Variants in ERICH2 observed in about 807,000 individuals in gnomAD.
ERICH2 encodes glutamate-rich protein 2.
Under a neutral mutation model 17.4 loss-of-function variants are expected in ERICH2, and 17 were observed. That is an observed-to-expected ratio of 0.98 (90% CI 0.67 to 1.47). ERICH2 has a LOEUF of 1.47. ERICH2 is among the 40% of genes most tolerant of loss of function. The pLI, the probability that ERICH2 is intolerant of heterozygous loss-of-function variation, is 0.00. For synonymous variants in ERICH2, 51 were observed against 61.1 expected, an observed-to-expected ratio of 0.83 and a Z score of 0.77; for missense variants, 186 against 183.2, an observed-to-expected ratio of 1.01 and a Z score of -0.09.
At chr2:170,798,055 C>A in exon 4 of ERICH2, 1 of 1,548,178 alleles carries the variant, frequency 6.5e-7, no homozygotes, top group Non-Finnish European at 8.7e-7. Flanking sequence ...AATCTATGAA[C>A]CAGAAAATCC....
At chr2:170,773,673 A>G in the ERICH2 span, among the ~76,000 whole-genome samples, 915 of 152,296 alleles carry the variant, frequency 6.0e-3, 8 homozygotes, top group Middle Eastern at 0.01. Flanking sequence ...AGAGTTTAGC[A>G]TAGTTATATG....
the ERICH2 span, among the ~76,000 whole-genome samples, chr2:170,778,705 CATTT>C: frequency 6.6e-6 from 1 of 151,922 alleles, no homozygotes; most frequent in Non-Finnish European, 1.5e-5. Context: ...TGGTTGAAAA[CATTT>C]AATAAAATCT....
chr2:170,781,032 A>G (rs1701012996), upstream of ERICH2, among the ~76,000 whole-genome samples: 1 of 152,186 alleles, frequency 6.6e-6, no homozygotes, highest in Non-Finnish European at 1.5e-5. Context: ...TTTGCTGTGC[A>G]TTTTTCATTT....
At chr2:170,789,507 A>G (rs1701233555) in intron 2 of ERICH2, among the ~76,000 whole-genome samples, 1 of 152,162 alleles carries the variant, frequency 6.6e-6, no homozygotes, top group South Asian at 2.1e-4. Context: ...GTCAGATATC[A>G]TCAGTGTTTA....
chr2:170,798,181 C>G, intron 4 of ERICH2, 69 bp downstream of exon 9: 3 of 1,045,564 alleles, frequency 2.9e-6, no homozygotes, highest in Non-Finnish European at 4.3e-6. Flanking sequence ...AACCCATTAT[C>G]CCGGGAGATT....
At chr2:170,785,877 G>A (rs947672357) in intron 2 of ERICH2, among the ~76,000 whole-genome samples, 7 of 152,006 alleles carry the variant, frequency 4.6e-5, no homozygotes, top group Non-Finnish European at 5.9e-5. Context: ...ATTTTACCTC[G>A]CTTGTTGTGA....
chr2:170,796,794 C>T (rs924040550), intron 3 of ERICH2, among the ~76,000 whole-genome samples: 1 of 151,988 alleles, frequency 6.6e-6, no homozygotes, highest in Non-Finnish European at 1.5e-5. Flanking sequence ...TTCAGTGCCC[C>T]CCTTGGAGGC....
At chr2:170,785,361 A>G (rs1351614994) in intron 2 of ERICH2, among the ~76,000 whole-genome samples, 1 of 152,102 alleles carries the variant, frequency 6.6e-6, no homozygotes, top group Non-Finnish European at 1.5e-5. Context: ...TTAGAGGTGA[A>G]AGAAGATTCT....
chr2:170,791,542 T>G, intron 2 of ERICH2, among the ~76,000 whole-genome samples: 1 of 12,280 alleles, frequency 8.1e-5, no homozygotes, highest in African/African-American at 1.4e-4. Flanking sequence ...AAAAAAAAAT[T>G]AGCCGGGCGT....
rs77958115 is a variant in ERICH2 at position 170,785,598 on chromosome 2, A to T, written c.216+765A>T. Among the ~76,000 whole-genome samples the T allele has an allele frequency of 7.5e-3, 1,140 of 152,204 alleles. 11 individuals carry two copies. The highest frequency in any genetic ancestry group is 0.025 in the African/African-American group (1,059 of 41,568). On this transcript the variant is annotated intron_variant, in intron 2 of 4. Transcript: ENST00000409885. ...TGTATGCTAGTAACAAAAGTTATTT[A>T]TTAAGTTTTCTGGGAACAGGGAGGA...
At chr2:170,781,188 T>A (rs529521721), upstream of ERICH2, among the ~76,000 whole-genome samples, 23 of 152,208 alleles carry the variant, frequency 1.5e-4, no homozygotes, top group African/African-American at 5.3e-4. Context: ...TGTTCTGGAT[T>A]CACATTTCCA....
chr2:170,798,618 AC>A (rs1701487493), intron 4 of ERICH2, among the ~76,000 whole-genome samples, 151 bp from the exon 10 acceptor site: 1 of 152,210 alleles, frequency 6.6e-6, no homozygotes, highest in African/African-American at 2.4e-5. Flanking sequence ...TCTTTGTACT[AC>A]CATTTGACCC....
the ERICH2 span, chr2:170,777,171 T>A: frequency 6.3e-6 from 1 of 157,640 alleles, no homozygotes; most frequent in African/African-American, 2.4e-5. Flanking sequence ...AGACAGATAC[T>A]GTAAAGGTGA....
At chr2:170,774,870 C>G in the ERICH2 span, among the ~76,000 whole-genome samples, 1 of 150,968 alleles carries the variant, frequency 6.6e-6, no homozygotes, top group East Asian at 2.0e-4. Context: ...CCACCACGCC[C>G]AGCCCAAGAG....
At chr2:170,775,620 G>C in the ERICH2 span, 24 of 152,226 alleles carry the variant, frequency 1.6e-4, no homozygotes, top group Middle Eastern at 3.4e-3. Context: ...TGCTGCCCTA[G>C]ATAACCAGAG....
chr2:170,772,345 G>A, the ERICH2 span, among the ~76,000 whole-genome samples: 4 of 152,232 alleles, frequency 2.6e-5, no homozygotes, highest in African/African-American at 9.6e-5. Flanking sequence ...AGGAGGAGGA[G>A]TTATAGTAAC....
chr2:170,796,560 G>T (rs1021735541), intron 3 of ERICH2, among the ~76,000 whole-genome samples: 1 of 151,206 alleles, frequency 6.6e-6, no homozygotes, highest in Non-Finnish European at 1.5e-5. Flanking sequence ...CTCGGCCTCC[G>T]AAGGAGCTGG....
chr2:170,798,738 A>T, intron 4 of ERICH2, 32 bp from the exon 10 acceptor site: 1 of 1,548,282 alleles, frequency 6.5e-7, no homozygotes, highest in Non-Finnish European at 8.7e-7. Context: ...ATTAAGAAAC[A>T]CCTTAAGCAA....
intron 2 of ERICH2, among the ~76,000 whole-genome samples, chr2:170,789,629 T>A (rs561876790): frequency 2.0e-5 from 3 of 152,214 alleles, no homozygotes; most frequent in Non-Finnish European, 4.4e-5. Flanking sequence ...CAAGGGCTTC[T>A]GCAAAACATC....
Sources: allele counts gnomAD v4.1 joint callset (sites outside exome capture counted in the v4.1 genomes callset), GRCh38; gene constraint gnomAD v4.1.1; transcripts MANE v1.5; gene names NCBI Gene and HGNC (gene_info 2026-07-23, HGNC 2026-07-21).